Variants in KAZN observed in about 807,000 individuals in gnomAD.
KAZN encodes the protein kazrin, periplakin interacting protein, also known as kazrin.
A neutral mutation model predicts 87.4 loss-of-function variants in KAZN; 40 were observed. That is an observed-to-expected ratio of 0.46 (90% confidence interval 0.36 to 0.60). The LOEUF (loss-of-function observed/expected upper bound fraction) is 0.60. Ranked by LOEUF, KAZN falls within the 20% of genes least tolerant of loss-of-function variation. The probability of loss-of-function intolerance (pLI) is 0.00; values close to 1 mark genes in which losing one functional copy is unlikely to be tolerated. For missense variants in KAZN, 898 were observed against 1,073.9 expected, an observed-to-expected ratio of 0.84 and a Z score of 2.29; for synonymous variants, 466 against 458.3, an observed-to-expected ratio of 1.02 and a Z score of -0.22.
chr1:15,058,226 T>A (rs1638475491), intron 5 of KAZN, among the ~76,000 whole-genome samples: 1 of 152,228 alleles, frequency 6.6e-6, no homozygotes, highest in African/African-American at 2.4e-5. Flanking sequence ...CTGGGATTGG[T>A]ACCACTGGCA....
At chr1:14,567,959 C>CAAAGACTTATG (rs1674640843) in intron 2 of KAZN, among the ~76,000 whole-genome samples, 1 of 152,192 alleles carries the variant, frequency 6.6e-6, no homozygotes, top group Non-Finnish European at 1.5e-5. Flanking sequence ...TTCAGTATGA[C>CAAAGACTTATG]AAAGACTTAT....
At chr1:14,788,143 T>A (rs1446047586) in intron 1 of KAZN, among the ~76,000 whole-genome samples, 2 of 152,144 alleles carry the variant, frequency 1.3e-5, no homozygotes, top group Non-Finnish European at 2.9e-5. Context: ...AGCATGGGGC[T>A]CTGTGCACCT....
chr1:14,615,682 G>A (rs1678179195), intron 1 of KAZN, among the ~76,000 whole-genome samples: 1 of 151,868 alleles, frequency 6.6e-6, no homozygotes, highest in Non-Finnish European at 1.5e-5. Context: ...GGGAAGTGAG[G>A]CTTGTGGTTC....
chr1:14,788,242 C>T (rs777063236), intron 1 of KAZN, among the ~76,000 whole-genome samples: 1 of 152,202 alleles, frequency 6.6e-6, no homozygotes, highest in South Asian at 2.1e-4. Flanking sequence ...TAGGCGAGTA[C>T]TGGCTCTCGG....
chr1:14,163,807 T>C (rs1001969946), intron 1 of KAZN, among the ~76,000 whole-genome samples: 46 of 152,208 alleles, frequency 3.0e-4, no homozygotes, highest in African/African-American at 1.0e-3. Flanking sequence ...CGATATATTT[T>C]CTACTTTCTG....
intron 1 of KAZN, among the ~76,000 whole-genome samples, chr1:14,608,702 AG>A (rs1201230041): frequency 6.6e-6 from 1 of 152,120 alleles, no homozygotes; most frequent in Admixed American, 6.5e-5. Flanking sequence ...TTTCAAAGAG[AG>A]TTAAAAAAAA....
intron 1 of KAZN, among the ~76,000 whole-genome samples, chr1:14,811,941 C>T (rs148677979): frequency 0.018 from 2,697 of 152,250 alleles, 43 homozygotes; most frequent in Middle Eastern, 0.037. Context: ...TCTTCAAAAT[C>T]CATCTAAGTA....
At chr1:13,983,117 C>G (rs530368725) in intron 1 of KAZN, among the ~76,000 whole-genome samples, 5 of 152,270 alleles carry the variant, frequency 3.3e-5, no homozygotes, top group South Asian at 2.1e-4. Flanking sequence ...GGATCTCGCA[C>G]GGGGGCTGCA....
chr1:14,117,012 G>A (rs1354576039), intron 1 of KAZN, among the ~76,000 whole-genome samples: 1 of 152,190 alleles, frequency 6.6e-6, no homozygotes, highest in Non-Finnish European at 1.5e-5. Context: ...TGCTTGGATT[G>A]TCTGTAGGAA....
At chr1:14,538,390 C>T (rs545884211) in intron 2 of KAZN, among the ~76,000 whole-genome samples, 4 of 152,032 alleles carry the variant, frequency 2.6e-5, no homozygotes, top group African/African-American at 9.6e-5. Context: ...AACAACATAC[C>T]CAAGACTGGG....
chr1:14,640,023 C>T (rs554329182), intron 1 of KAZN, among the ~76,000 whole-genome samples: 1 of 152,288 alleles, frequency 6.6e-6, no homozygotes, highest in African/African-American at 2.4e-5. Context: ...GAGGGAGGAC[C>T]ATGGGCACAG....
chr1:14,819,704 A>G (rs1646679461), intron 1 of KAZN, among the ~76,000 whole-genome samples: 2 of 128,302 alleles, frequency 1.6e-5, no homozygotes, highest in South Asian at 2.4e-4. Context: ...TTGAAAAAAA[A>G]TCTTTTTTTT....
chr1:13,949,048 G>T, intron 1 of KAZN, among the ~76,000 whole-genome samples: 1 of 152,150 alleles, frequency 6.6e-6, no homozygotes, highest in East Asian at 1.9e-4. Context: ...GATAAATGCT[G>T]AGTAAAACAG....
rs374944824 is a variant in KAZN at position 14,559,120 on chromosome 1, G to T, written c.250-39863G>T. On this transcript the variant is annotated intron_variant, in intron 2 of 16. Transcript: ENST00000636203. Reference sequence around the variant, plus strand: ...CTTTTGTATCTCTTGGCTCAAAAGGGATCTAATTGTCCCAAATGAGTCCCT... The same window carrying T: ...CTTTTGTATCTCTTGGCTCAAAAGGTATCTAATTGTCCCAAATGAGTCCCT... 3.5e-4 allele frequency among the ~76,000 whole-genome samples: 54 copies of T among 152,268 alleles called. 1 individual carries two copies. Among genetic ancestry groups the T allele is most frequent in the African/African-American group, 1.3e-3 (52 of 41,560 alleles).
chr1:14,383,851 G>T (rs1447778436), intron 2 of KAZN, among the ~76,000 whole-genome samples: 2 of 152,080 alleles, frequency 1.3e-5, no homozygotes, highest in Non-Finnish European at 2.9e-5. Context: ...ATTCTGTGAA[G>T]AAAGTCATTG....
chr1:14,763,511 A>AC (rs1174650332), intron 1 of KAZN, among the ~76,000 whole-genome samples: 2 of 152,180 alleles, frequency 1.3e-5, no homozygotes, highest in African/African-American at 4.8e-5. Flanking sequence ...TTGCGTTGCC[A>AC]CCCCTGCCTC....
chr1:14,508,912 G>A (rs767208479), intron 2 of KAZN, among the ~76,000 whole-genome samples: 1 of 152,186 alleles, frequency 6.6e-6, no homozygotes, highest in Non-Finnish European at 1.5e-5. Context: ...ACTAGGAAGG[G>A]CATTTCTGGG....
chr1:14,470,587 C>CAG (rs201773092), intron 2 of KAZN, among the ~76,000 whole-genome samples: 1 of 151,960 alleles, frequency 6.6e-6, no homozygotes, highest in East Asian at 1.9e-4. Flanking sequence ...GGACCCTATG[C>CAG]AGAGAGAGAG....
chr1:14,825,538 C>T (rs1210380972), intron 1 of KAZN, among the ~76,000 whole-genome samples: 1 of 152,204 alleles, frequency 6.6e-6, no homozygotes, highest in African/African-American at 2.4e-5. Flanking sequence ...ACATCATCCT[C>T]ACAAAACTCC....
Sources: allele counts gnomAD v4.1 joint callset (sites outside exome capture counted in the v4.1 genomes callset), GRCh38; gene constraint gnomAD v4.1.1; transcripts MANE v1.5; gene names NCBI Gene and HGNC (gene_info 2026-07-23, HGNC 2026-07-21).